The following KIAA1549L variants were observed in gnomAD, a reference collection of about 807,000 sequenced individuals.
The protein encoded by KIAA1549L is KIAA1549 like.
In KIAA1549L, 88 loss-of-function variants were observed where a neutral mutation model predicts 160.7. That is an observed-to-expected ratio of 0.55 (90% CI 0.46 to 0.65). The LOEUF is 0.65. Ranked by LOEUF, KIAA1549L falls within the 30% of genes least tolerant of loss-of-function variation. KIAA1549L has a pLI of 0.00. For synonymous variants in KIAA1549L, 950 were observed against 976.7 expected, an observed-to-expected ratio of 0.97 and a Z score of 0.51; for missense variants, 2,258 against 2,437.5, an observed-to-expected ratio of 0.93 and a Z score of 1.55.
At chr11:33,386,808 G>A (rs1403890603) in intron 1 of KIAA1549L, among the ~76,000 whole-genome samples, 2 of 150,394 alleles carry the variant, frequency 1.3e-5, no homozygotes, top group South Asian at 2.1e-4. Context: ...GGTAGTGCTG[G>A]TCTATAAAAT....
chr11:33,624,956 T>C lies in KIAA1549L; in HGVS notation c.5409+6294T>C, dbSNP rs527623943. ...CCAGAGTGTGATGTTCCCCTTTCTG[T>C]GTCCATGTGTTCTCATTGTTCAATT... On this transcript the variant is annotated intron_variant, in intron 16 of 20. Transcript: ENST00000658780. 3.3e-3 allele frequency among the ~76,000 whole-genome samples: 456 copies of C among 139,006 alleles called. 4 individuals are homozygous for C. The highest frequency in any genetic ancestry group is 5.6e-3 in the Non-Finnish European group (371 of 65,830). The allele number at this position is 139,006 out of a possible 152,430, so 91.2% of individuals were successfully genotyped here.
In KIAA1549L at chr11:33,664,586, G is replaced by A. The variant is rs143773813; in HGVS notation, c.6160-3287G>A. Among the ~76,000 whole-genome samples, 99 of 152,330 alleles carry A rather than the reference G, an allele frequency of 6.5e-4. 1 individual carries two copies. The highest frequency in any genetic ancestry group is 2.2e-3 in the African/African-American group (93 of 41,572). ...TGGGAGGTGATTAGGTCATGAGGGCGAACCCCCTAATGAATGGGATTAGTG... is the reference window on the plus strand; with the variant it reads ...TGGGAGGTGATTAGGTCATGAGGGCAAACCCCCTAATGAATGGGATTAGTG... On this transcript the variant is annotated intron_variant, in intron 20 of 20. Transcript: ENST00000658780.
At chr11:33,652,796 C>T (rs967206734) in intron 17 of KIAA1549L, among the ~76,000 whole-genome samples, 1 of 152,156 alleles carries the variant, frequency 6.6e-6, no homozygotes, top group Non-Finnish European at 1.5e-5. Flanking sequence ...TCTGCAGAAC[C>T]TCAGGGTTCA....
rs561566116 is a variant in KIAA1549L at position 33,542,446 on chromosome 11, T to C, written c.883T>C (p.Ser295Pro). ...CATAGCTAATCCCTTAATCCCATTT[T>C]CTGATGAAATGGACCACACTGCATC... ...QNIANPLIPFSDEMDHTASQN... is the reference protein window; with the variant it reads ...QNIANPLIPFPDEMDHTASQN... The change falls in exon 2 of 21, where the codon TCT (serine) becomes CCT (proline). Residue 295 changes from serine (S) to proline (P), a missense_variant. Physicochemically the swap from Ser to Pro is moderately conservative, Grantham distance 74. Around this residue, in one of 6 missense-constraint regions of KIAA1549L, gnomAD observed 540 missense variants for 465.7 expected, o/e 1.16. Coordinates refer to ENST00000658780, the MANE Select transcript of KIAA1549L (RefSeq NM_012194.3). 454 of 1,604,400 alleles carry C rather than the reference T, an allele frequency of 2.8e-4. 8 individuals are homozygous for C. The South Asian group carries it at 4.8e-3, about 17-fold the overall frequency.
chr11:33,674,008 T>C lies in KIAA1549L; in HGVS notation c.*5854T>C, dbSNP rs186184743. 5.3e-5 allele frequency: 8 copies of C among 152,368 alleles called. No individual in the cohort carries two copies. The East Asian group carries it at 1.5e-3, about 29-fold the overall frequency. The allele number at this position is 152,368 out of a possible 1,614,324, so 9.4% of individuals were successfully genotyped here. ...TAATGCTTCGCTTTCTAATGAACTT[T>C]GTACGTCCTTAGCCTCTGCCGGGAA... On this transcript the variant is annotated 3_prime_UTR_variant, in exon 21 of 21. Transcript: ENST00000658780.
intron 16 of KIAA1549L, among the ~76,000 whole-genome samples, chr11:33,630,703 C>A (rs1040901214): frequency 3.3e-5 from 5 of 152,130 alleles, no homozygotes; most frequent in South Asian, 2.1e-4. Flanking sequence ...TGAGATGAAC[C>A]CGGTACCTCA....
chr11:33,658,836 C>T lies in KIAA1549L; in HGVS notation c.5945C>T (p.Thr1982Met), dbSNP rs957592867. ...CAGCTGCACGACAGCGCCTCCTTCA[C>T]GCAGATGTCCAGAGGCCCTGTGTCC... is the stretch of plus-strand genomic sequence containing the variant. ...PAQLHDSASF[T>M]QMSRGPVSVT... is the part of the protein sequence containing the mutation. Residue 1982 changes from threonine to methionine, a missense_variant, in exon 19 of 21, where the codon ACG becomes ATG. Coordinates refer to ENST00000658780, the MANE Select transcript of KIAA1549L (RefSeq NM_012194.3). 1.3e-5 allele frequency: 21 copies of T among 1,563,738 alleles called. No homozygotes were observed. The highest frequency in any genetic ancestry group is 4.8e-5 in the East Asian group (2 of 41,468).
In KIAA1549L at chr11:33,606,648, G is replaced by T; in HGVS notation, c.4887G>T (p.Ala1629=). The part of the protein sequence containing the change: ...KEEARKRNVP[A]SDEEEGAVLF... ...GTTTATGTTGTGCTTCAGTGCCAGC[G>T]AGTGACGAAGAGGAGGGAGCGGTTC... Residue 1629 remains alanine (A), a synonymous_variant, in exon 14 of 21, where the codon GCG becomes GCT. Transcript: ENST00000658780. 6.2e-7 allele frequency: 1 copy of T among 1,613,828 alleles called. No individual in the cohort carries two copies. The highest frequency in any genetic ancestry group is 8.5e-7 in the Non-Finnish European group (1 of 1,179,830).
intron 1 of KIAA1549L, among the ~76,000 whole-genome samples, chr11:33,413,442 A>G (rs1342163777): frequency 6.6e-6 from 1 of 150,540 alleles, no homozygotes; most frequent in African/African-American, 2.4e-5. Flanking sequence ...TGTCTTTAAA[A>G]AAAAAAAAAA....
intron 1 of KIAA1549L, among the ~76,000 whole-genome samples, chr11:33,399,168 G>A (rs1850448019): frequency 6.6e-6 from 1 of 152,070 alleles, no homozygotes; most frequent in African/African-American, 2.4e-5. Context: ...GGCCAGGCTT[G>A]TCTCGAACTC....
intron 1 of KIAA1549L, among the ~76,000 whole-genome samples, chr11:33,385,404 A>C (rs1258038514): frequency 1.3e-5 from 2 of 152,176 alleles, no homozygotes; most frequent in African/African-American, 4.8e-5. Flanking sequence ...TGTCCTGTGC[A>C]TTAGAAGTTT....
At chr11:33,492,442 C>T (rs1360922260) in intron 1 of KIAA1549L, among the ~76,000 whole-genome samples, 2 of 152,108 alleles carry the variant, frequency 1.3e-5, no homozygotes, top group Non-Finnish European at 2.9e-5. Context: ...GGACTAGGAA[C>T]CCCTGGAGTG....
rs182530431 is a variant in KIAA1549L at position 33,509,707 on chromosome 11, G to A, written c.239-32095G>A. Reference sequence around the variant, plus strand: ...TTAAAATGTCACTTTTTTAATTGCAGAAGCTATTCCTCTGAAGCATACACC... The same window carrying A: ...TTAAAATGTCACTTTTTTAATTGCAAAAGCTATTCCTCTGAAGCATACACC... On this transcript the variant is annotated intron_variant, in intron 1 of 20. Coordinates refer to ENST00000658780, the MANE Select transcript of KIAA1549L (RefSeq NM_012194.3). 1.2e-3 allele frequency among the ~76,000 whole-genome samples: 178 copies of A among 152,268 alleles called. No homozygotes were observed. In the South Asian group the frequency reaches 0.025, roughly 21 times the overall value.
At chr11:33,463,731 A>C (rs1261493565) in intron 1 of KIAA1549L, among the ~76,000 whole-genome samples, 3 of 152,242 alleles carry the variant, frequency 2.0e-5, no homozygotes, top group East Asian at 1.9e-4. Context: ...TCTTTCCTAC[A>C]TGCTTTAACT....
At position 33,422,199 on chromosome 11, in the gene KIAA1549L, C is replaced by T. The variant is rs113260225; in HGVS notation, c.238+45310C>T. Among the ~76,000 whole-genome samples, 12 of 152,226 alleles carry T rather than the reference C, an allele frequency of 7.9e-5. 1 individual carries two copies. Among genetic ancestry groups the T allele is most frequent in the East Asian group, 1.9e-4 (1 of 5,168 alleles). On this transcript the variant is annotated intron_variant, in intron 1 of 20. Coordinates refer to ENST00000658780, the MANE Select transcript of KIAA1549L (RefSeq NM_012194.3). ...TGTGGATGCCCAGGATCCACACTTT[C>T]GATCTCTTGAATTGGAATCCCTGGG... is the stretch of plus-strand genomic sequence containing the variant.
chr11:33,646,539 T>C (rs1851728920), intron 17 of KIAA1549L, among the ~76,000 whole-genome samples: 1 of 152,218 alleles, frequency 6.6e-6, no homozygotes, highest in African/African-American at 2.4e-5. Context: ...TGAAAAATTT[T>C]GAAAACCTGG....
chr11:33,660,907 C>T lies in KIAA1549L; in HGVS notation c.6052C>T (p.Pro2018Ser). 1.2e-6 allele frequency: 2 copies of T among 1,613,856 alleles called. No homozygotes were observed. The highest frequency in any genetic ancestry group is 1.1e-5 in the South Asian group (1 of 91,018). ...AVFAIPAANR[P>S]GFTGYFIPTP... ...GTTCGCCATCCCAGCTGCCAACAGA[C>T]CTGGCTTCACCGGCTACTTCATCCC... The change falls in exon 20 of 21, where the codon CCT becomes TCT. Residue 2018 changes from proline (P) to serine (S), a missense_variant. Around this residue, in one of 6 missense-constraint regions of KIAA1549L, gnomAD observed 1,359 missense variants for 1,546.6 expected, o/e 0.88. Coordinates refer to ENST00000658780, the MANE Select transcript of KIAA1549L (RefSeq NM_012194.3).
chr11:33,554,764 C>G (rs967289876), intron 6 of KIAA1549L, among the ~76,000 whole-genome samples: 42 of 152,190 alleles, frequency 2.8e-4, no homozygotes, highest in African/African-American at 9.2e-4. Flanking sequence ...CCATCCAGAA[C>G]ACATGAGCAA....
chr11:33,575,004 C>A, intron 10 of KIAA1549L, 131 bp downstream of exon 10: 1 of 754,286 alleles, frequency 1.3e-6, no homozygotes, highest in Non-Finnish European at 2.2e-6. Flanking sequence ...GTTCTTAAAT[C>A]AATCAGCTAT....
Sources: gnomAD v4.1 joint callset for allele counts (sites outside exome capture counted in the v4.1 genomes callset) on GRCh38, gnomAD v4.1.1 for gene constraint, gnomAD v4.1.1 regional missense constraint, MANE v1.5 for transcripts, NCBI Gene and HGNC (gene_info 2026-07-23, HGNC 2026-07-21) for gene names.